Variants in IGSF21 observed in about 807,000 individuals in gnomAD.
The protein encoded by IGSF21 is immunoglobin superfamily member 21, also known as immunoglobulin superfamily member 21.
A neutral mutation model predicts 46.8 loss-of-function variants in IGSF21; 28 were observed. That is an observed-to-expected ratio of 0.60 (90% CI 0.44 to 0.82). IGSF21 has a LOEUF of 0.82. IGSF21 is among the 40% of genes least tolerant of loss of function. The pLI is 0.00. For missense variants in IGSF21, 624 were observed against 665.5 expected (o/e 0.94, Z 0.69); for synonymous variants, 284 against 273.6 (o/e 1.04, Z -0.38).
chr1:18,351,432 T>A (rs1319727403), intron 4 of IGSF21, among the ~76,000 whole-genome samples: 1 of 152,196 alleles, frequency 6.6e-6, no homozygotes, highest in East Asian at 1.9e-4. Flanking sequence ...GGCTAAGCTC[T>A]GTTCTAAGCC....
At chr1:18,364,029 T>G (rs886800134) in intron 5 of IGSF21, among the ~76,000 whole-genome samples, 13 of 152,114 alleles carry the variant, frequency 8.5e-5, no homozygotes, top group African/African-American at 2.7e-4. Flanking sequence ...GAAAAAGTCC[T>G]TTCCTGAAAG....
rs924549021 is a variant in IGSF21, at chr1:18,322,379, G to A, written c.306-12513G>A. Reference sequence around the variant, plus strand: ...CGCCCGTCTTCCCTCTTCTGGTGGAGGCAGGCTTGGTTCCAACAGGCTTGG... The same window carrying A: ...CGCCCGTCTTCCCTCTTCTGGTGGAAGCAGGCTTGGTTCCAACAGGCTTGG... On this transcript the variant is annotated intron_variant, in intron 3 of 9. Coordinates refer to ENST00000251296, the MANE Select transcript of IGSF21 (RefSeq NM_032880.5). This position sits in a 1 kb window ranked among gnomAD's most constrained non-coding sequence, Gnocchi z 4.3. Among the ~76,000 whole-genome samples the A allele has an allele frequency of 5.9e-5, 9 of 152,110 alleles. No individual in the cohort carries two copies. Among genetic ancestry groups the A allele is most frequent in the Admixed American group, 5.9e-4 (9 of 15,270 alleles).
chr1:18,197,737 T>C (rs1051707261), intron 1 of IGSF21, among the ~76,000 whole-genome samples: 4 of 152,372 alleles, frequency 2.6e-5, no homozygotes, highest in Admixed American at 6.5e-5. Flanking sequence ...TTTATCTATC[T>C]GAGCCTAAGT....
chr1:18,260,477 T>G (rs150537081), intron 2 of IGSF21, among the ~76,000 whole-genome samples: 10 of 152,356 alleles, frequency 6.6e-5, no homozygotes, highest in African/African-American at 2.2e-4. Flanking sequence ...GAGGGAATGC[T>G]CCTTGCAGAG....
chr1:18,143,127 G>T (rs1271284695), intron 1 of IGSF21, among the ~76,000 whole-genome samples: 1 of 152,204 alleles, frequency 6.6e-6, no homozygotes, highest in Non-Finnish European at 1.5e-5. Context: ...CAAGGCTCCC[G>T]CAGATGAGTG....
At chr1:18,277,986 G>T (rs2085119274) in intron 2 of IGSF21, among the ~76,000 whole-genome samples, 1 of 152,082 alleles carries the variant, frequency 6.6e-6, no homozygotes, top group African/African-American at 2.4e-5. Flanking sequence ...AACCCTGAGT[G>T]GTACTCTTGA....
chr1:18,178,815 G>A (rs2086829451), intron 1 of IGSF21, among the ~76,000 whole-genome samples: 1 of 151,638 alleles, frequency 6.6e-6, no homozygotes, highest in Non-Finnish European at 1.5e-5. Flanking sequence ...CTGTTTTCCA[G>A]ACCCCCAGGC....
At chr1:18,192,250 G>A (rs992632639) in intron 1 of IGSF21, among the ~76,000 whole-genome samples, 4 of 152,178 alleles carry the variant, frequency 2.6e-5, no homozygotes, top group South Asian at 2.1e-4. Context: ...GATCAGTCTT[G>A]TCTAACACCT....
chr1:18,174,912 T>C (rs977286298), intron 1 of IGSF21, among the ~76,000 whole-genome samples: 5 of 152,224 alleles, frequency 3.3e-5, no homozygotes, highest in African/African-American at 4.8e-5. Context: ...ATGGTAGCAG[T>C]GAGCACTGGA....
chr1:18,293,730 C>T (rs1305262922), intron 3 of IGSF21, among the ~76,000 whole-genome samples: 3 of 152,206 alleles, frequency 2.0e-5, no homozygotes, highest in Non-Finnish European at 4.4e-5. Context: ...CAAATAATCT[C>T]CACGACTCCC....
chr1:18,153,581 AG>A (rs1487472624), intron 1 of IGSF21, among the ~76,000 whole-genome samples: 1 of 152,320 alleles, frequency 6.6e-6, no homozygotes, highest in African/African-American at 2.4e-5. Flanking sequence ...ACTGGGAACC[AG>A]GTGCCGAAGG....
Position 18,335,062 on chromosome 1 carries a change from C to A in IGSF21, c.424+52C>A. On this transcript the variant is annotated intron_variant, in intron 4 of 9. Coordinates refer to ENST00000251296, the MANE Select transcript of IGSF21 (RefSeq NM_032880.5). The surrounding 1 kb of genome is among the most constrained non-coding windows in gnomAD (Gnocchi z 4.8). Reference sequence around the variant, plus strand: ...TGTCTCAGTGAGGAGGACGAGTATGCTTGAGTGTGTGAATGTGCGCACAGA... The same window carrying A: ...TGTCTCAGTGAGGAGGACGAGTATGATTGAGTGTGTGAATGTGCGCACAGA... The A allele has an allele frequency of 1.4e-6, 2 of 1,406,522 alleles. No individual in the cohort carries two copies. Among genetic ancestry groups the A allele is most frequent in the Non-Finnish European group, 1.0e-6 (1 of 991,476 alleles). The allele number at this position is 1,406,522 out of a possible 1,614,324, so 87.1% of individuals were successfully genotyped here.
intron 4 of IGSF21, among the ~76,000 whole-genome samples, chr1:18,350,063 G>A (rs968899168): frequency 3.9e-5 from 6 of 152,282 alleles, no homozygotes; most frequent in East Asian, 1.9e-4. Flanking sequence ...GCCCAGTCCT[G>A]AGGAAGCAGT....
At chr1:18,108,985 A>T (rs981392334) in intron 1 of IGSF21, among the ~76,000 whole-genome samples, 94 of 127,798 alleles carry the variant, frequency 7.4e-4, no homozygotes, top group Non-Finnish European at 1.3e-3. Flanking sequence ...TGAGCAGCTC[A>T]GTGTGTGTGT....
intron 3 of IGSF21, among the ~76,000 whole-genome samples, chr1:18,293,662 A>C (rs2085288063): frequency 6.6e-6 from 1 of 152,208 alleles, no homozygotes; most frequent in Non-Finnish European, 1.5e-5. Context: ...ATAAAAATTC[A>C]TTTTGGAGAA....
chr1:18,213,904 C>T (rs541976847), intron 1 of IGSF21, among the ~76,000 whole-genome samples: 1 of 152,250 alleles, frequency 6.6e-6, no homozygotes, highest in African/African-American at 2.4e-5. Flanking sequence ...ACTTCAAAGG[C>T]CTGAGGACTG....
At chr1:18,278,200 C>CTGCA (rs1357454219) in intron 2 of IGSF21, among the ~76,000 whole-genome samples, 9 of 135,138 alleles carry the variant, frequency 6.7e-5, no homozygotes, top group Admixed American at 3.1e-4. Flanking sequence ...GCAAACATGG[C>CTGCA]TGCATTCATT....
At chr1:18,296,959 G>T (rs2085317787) in intron 3 of IGSF21, among the ~76,000 whole-genome samples, 2 of 152,178 alleles carry the variant, frequency 1.3e-5, no homozygotes, top group Non-Finnish European at 2.9e-5. Flanking sequence ...CCCCCGACCT[G>T]CTATTGCAGA....
chr1:18,283,966 C>A (rs1338456797), intron 2 of IGSF21, among the ~76,000 whole-genome samples: 1 of 152,140 alleles, frequency 6.6e-6, no homozygotes, highest in East Asian at 1.9e-4. Flanking sequence ...GGGGATGCAA[C>A]ATTGAACAAA....
Sources: allele counts gnomAD v4.1 joint callset (sites outside exome capture counted in the v4.1 genomes callset), GRCh38; gene constraint gnomAD v4.1.1; non-coding constraint Gnocchi (gnomAD v3.1); transcripts MANE v1.5; gene names NCBI Gene and HGNC (gene_info 2026-07-23, HGNC 2026-07-21).